The following ITPR2 variants were observed in gnomAD, a reference collection of about 807,000 sequenced individuals.
ITPR2 encodes inositol 1,4,5-trisphosphate receptor type 2.
Under a neutral mutation model 317.1 loss-of-function variants are expected in ITPR2, and 207 were observed. The ratio of observed to expected loss-of-function variants is 0.65; its 90% CI spans 0.58 to 0.73. The LOEUF is 0.73. ITPR2 is among the 30% of genes least tolerant of loss of function. The probability of loss-of-function intolerance (pLI) is 0.00; values close to 1 mark genes in which losing one functional copy is unlikely to be tolerated. For missense variants in ITPR2, 2,613 were observed against 3,284.0 expected (o/e 0.80, Z 4.99); for synonymous variants, 1,156 against 1,149.1 (o/e 1.01, Z -0.12).
chr12:26,570,569 A>T (rs1249327226), intron 34 of ITPR2, among the ~76,000 whole-genome samples: 1 of 152,188 alleles, frequency 6.6e-6, no homozygotes, highest in African/African-American at 2.4e-5. Flanking sequence ...TTGGCTTGTA[A>T]ATTGATGTTT....
intron 2 of ITPR2, among the ~76,000 whole-genome samples, chr12:26,758,821 C>T (rs1391395606): frequency 6.6e-6 from 1 of 152,170 alleles, no homozygotes; most frequent in Non-Finnish European, 1.5e-5. Flanking sequence ...ATGAAATCCA[C>T]CAGCACTTTC....
intron 21 of ITPR2, among the ~76,000 whole-genome samples, chr12:26,636,077 T>C (rs1946857262): frequency 6.6e-6 from 1 of 152,198 alleles, no homozygotes; most frequent in African/African-American, 2.4e-5. Flanking sequence ...TAGTTCTACG[T>C]AGTACATACA....
chr12:26,542,837 C>A (rs1443011765), intron 37 of ITPR2, among the ~76,000 whole-genome samples: 2 of 152,120 alleles, frequency 1.3e-5, no homozygotes, highest in Non-Finnish European at 2.9e-5. Context: ...GAAATTGTAA[C>A]TGTCATTCTA....
intron 32 of ITPR2, among the ~76,000 whole-genome samples, chr12:26,585,552 A>G (rs1945504670): frequency 6.6e-6 from 1 of 152,012 alleles, no homozygotes; most frequent in Non-Finnish European, 1.5e-5. Flanking sequence ...CTACAGGCGC[A>G]TGCCACAACA....
At position 26,578,602 on chromosome 12, in the gene ITPR2, A is replaced by G. The variant is rs1385177440; in HGVS notation, c.4630+111T>C. The G allele has an allele frequency of 7.4e-6, 7 of 942,320 alleles. No homozygotes were observed. The Admixed American group carries it at 8.7e-5, about 12-fold the overall frequency. 58.4% of individuals were successfully genotyped at this position (942,320 alleles called of 1,614,324 possible). ...GCTGCTCTTCAGTTTAACAGAAAAC[A>G]TACTGGTTTTCTTAAGTTGTAAATT... is the stretch of plus-strand genomic sequence containing the variant. On this transcript the variant is annotated intron_variant, in intron 34 of 56. Coordinates refer to ENST00000381340, the MANE Select transcript of ITPR2 (RefSeq NM_002223.4).
intron 2 of ITPR2, among the ~76,000 whole-genome samples, chr12:26,774,182 CTTAAAT>C (rs1383882359): frequency 6.6e-6 from 1 of 151,930 alleles, no homozygotes; most frequent in Admixed American, 6.6e-5. Context: ...CACCTGTGAA[CTTAAAT>C]TTAAAGGTGT....
At chr12:26,581,471 T>C (rs1052925814) in intron 32 of ITPR2, among the ~76,000 whole-genome samples, 1 of 152,188 alleles carries the variant, frequency 6.6e-6, no homozygotes, top group African/African-American at 2.4e-5. Context: ...TTAACGGAAA[T>C]AAATTATGTC....
chr12:26,528,523 T>A (rs1943865256), intron 37 of ITPR2, among the ~76,000 whole-genome samples: 1 of 152,232 alleles, frequency 6.6e-6, no homozygotes, highest in South Asian at 2.1e-4. Context: ...TCTTCACAGG[T>A]CACTGAAAAC....
At chr12:26,456,814 A>C (rs746115133) in intron 45 of ITPR2, among the ~76,000 whole-genome samples, 6 of 152,136 alleles carry the variant, frequency 3.9e-5, no homozygotes, top group Non-Finnish European at 8.8e-5. Flanking sequence ...CTGGGATTAC[A>C]GGCACTTGCC....
At chr12:26,620,210 T>A (rs74623121) in intron 26 of ITPR2, among the ~76,000 whole-genome samples, 17 of 152,252 alleles carry the variant, frequency 1.1e-4, no homozygotes. Context: ...CATCTACTTG[T>A]GGCTGCGAGG....
Position 26,663,675 on chromosome 12 carries a change from ACCCTCTG to A in ITPR2, c.1713+3_1713+9del, listed in dbSNP as rs1265073462. The A allele has an allele frequency of 1.2e-6, 2 of 1,600,822 alleles. No individual in the cohort carries two copies. Among genetic ancestry groups the A allele is most frequent in the Non-Finnish European group, 1.7e-6 (2 of 1,175,136 alleles). ...TATGAAACAGTTTAAAATGGGGGCT[ACCCTCTG>A]ACCTGATTTTTCCGGTAATCCTGCT... On this transcript the variant is annotated splice_donor_5th_base_variant and intron_variant, in intron 15 of 56. Transcript: ENST00000381340.
chr12:26,606,831 G>A (rs7303829), intron 26 of ITPR2, among the ~76,000 whole-genome samples: 2,011 of 152,268 alleles, frequency 0.013, 23 homozygotes, highest in Non-Finnish European at 0.018. Context: ...TGGCTACTCA[G>A]GAAGCTGAGG....
In ITPR2 at chr12:26,415,418, T is replaced by C. The variant is rs554706158; in HGVS notation, c.7191A>G (p.Leu2397=). The change falls in exon 51 of 57, where the codon CTA becomes CTG. Residue 2397 remains leucine, a synonymous_variant. Coordinates refer to ENST00000381340, the MANE Select transcript of ITPR2 (RefSeq NM_002223.4). ...SVTRNGRSII[L]TAVLALILVY... ...CGAGGATGAGAGCCAGGACTGCAGTTAGAATAATAGAGCGGCCATTTCGTG... is the reference window on the plus strand; with the variant it reads ...CGAGGATGAGAGCCAGGACTGCAGTCAGAATAATAGAGCGGCCATTTCGTG... The C allele has an allele frequency of 2.5e-6, 4 of 1,612,770 alleles. No individual in the cohort carries two copies. Among genetic ancestry groups the C allele is most frequent in the Admixed American group, 1.7e-5 (1 of 59,906 alleles).
Position 26,595,519 on chromosome 12 carries a change from A to G in ITPR2, c.4326T>C (p.Tyr1442=), listed in dbSNP as rs374171325. 139 of 1,607,794 alleles carry G rather than the reference A, an allele frequency of 8.6e-5. No individual in the cohort carries two copies. The highest frequency in any genetic ancestry group is 1.0e-4 in the Non-Finnish European group (121 of 1,178,106). The change falls in exon 32 of 57, where the codon TAT becomes TAC. Residue 1442 remains tyrosine (Y), a synonymous_variant. Transcript: ENST00000381340. The part of the protein sequence containing the change: ...VDTEVEMKEI[Y]TSNHIWKLFE... The stretch of plus-strand genomic sequence containing the variant: ...ATAATTTCCAAATGTGGTTACTTGT[A>G]TAGATTTCTTTCATTTCCACTTCAG...
chr12:26,795,301 G>A (rs1950413686), intron 1 of ITPR2, among the ~76,000 whole-genome samples: 1 of 152,186 alleles, frequency 6.6e-6, no homozygotes, highest in Non-Finnish European at 1.5e-5. Context: ...AATGTGATAA[G>A]TAAAACTATA....
intron 37 of ITPR2, among the ~76,000 whole-genome samples, chr12:26,516,187 A>AGGGGG (rs1943486818): frequency 2.0e-5 from 1 of 49,132 alleles, no homozygotes; most frequent in Non-Finnish European, 4.1e-5. Context: ...AGGGGAGGGG[A>AGGGGG]GGCGGGGGAG....
At chr12:26,430,446 T>C (rs1941176104) in intron 48 of ITPR2, among the ~76,000 whole-genome samples, 1 of 152,194 alleles carries the variant, frequency 6.6e-6, no homozygotes. Flanking sequence ...GTATTGTCAG[T>C]AGAGTCTAGG....
chr12:26,385,278 A>G (rs1277630394), intron 55 of ITPR2, among the ~76,000 whole-genome samples: 6 of 152,090 alleles, frequency 3.9e-5, no homozygotes, highest in Admixed American at 3.9e-4. Context: ...CTCAAAATCA[A>G]CAAGAATTCT....
At chr12:26,623,047 C>T (rs532665118) in intron 24 of ITPR2, among the ~76,000 whole-genome samples, 1 of 152,236 alleles carries the variant, frequency 6.6e-6, no homozygotes, top group Admixed American at 6.5e-5. Flanking sequence ...AGATAAAAAT[C>T]CTCTTTTTGT....
Sources: allele counts gnomAD v4.1 joint callset (sites outside exome capture counted in the v4.1 genomes callset), GRCh38; gene constraint gnomAD v4.1.1; transcripts MANE v1.5; gene names NCBI Gene and HGNC (gene_info 2026-07-23, HGNC 2026-07-21).